The following GRIK3 variants were observed in gnomAD, a reference collection of about 807,000 sequenced individuals.
GRIK3 encodes glutamate receptor ionotropic, kainate 3.
GRIK3 carries 29 observed loss-of-function variants against 102.5 expected under a neutral mutation model. The observed-to-expected ratio is 0.28, with a 90% CI of 0.21 to 0.39. The LOEUF is 0.39. Ranked by LOEUF, GRIK3 falls within the 10% of genes least tolerant of loss-of-function variation. The pLI, the probability that GRIK3 is intolerant of heterozygous loss-of-function variation, is 1.00. For synonymous variants in GRIK3, 511 were observed against 504.9 expected (o/e 1.01, Z -0.16); for missense variants, 908 against 1,252.4 (o/e 0.73, Z 4.15).
chr1:36,815,822 C>G (rs553475112), intron 13 of GRIK3, among the ~76,000 whole-genome samples: 18 of 151,980 alleles, frequency 1.2e-4, no homozygotes, highest in Non-Finnish European at 1.0e-4. Flanking sequence ...TTCAGTGGCA[C>G]GATCTTGGCT....
chr1:37,027,604 A>T lies in GRIK3; in HGVS notation c.115+6390T>A, dbSNP rs568679190. 4.6e-5 allele frequency among the ~76,000 whole-genome samples: 7 copies of T among 152,320 alleles called. No homozygotes were observed. In the South Asian group the frequency reaches 1.5e-3, roughly 32 times the overall value. On this transcript the variant is annotated intron_variant, in intron 1 of 15. Transcript: ENST00000373091. Reference sequence around the variant, plus strand: ...CTCCAAGGGCAAAAAGAAACGCTCAAGTGTGGACAGCATGTAAGCTCTTTT... The same window carrying T: ...CTCCAAGGGCAAAAAGAAACGCTCATGTGTGGACAGCATGTAAGCTCTTTT...
rs114096346 is a variant in GRIK3, at chr1:36,935,175, A to G, written c.116-44079T>C. Among the ~76,000 whole-genome samples the G allele has an allele frequency of 2.7e-3, 404 of 152,290 alleles. 3 individuals carry two copies. The highest frequency in any genetic ancestry group is 9.3e-3 in the African/African-American group (387 of 41,560). On this transcript the variant is annotated intron_variant, in intron 1 of 15. Coordinates refer to ENST00000373091, the MANE Select transcript of GRIK3 (RefSeq NM_000831.4). ...ACTCACATGACCTCATGAATGTTTT[A>G]TTCACCACTGTACACCCAGCACCCA...
At chr1:36,823,472 C>CAAAA (rs71053954) in intron 11 of GRIK3, among the ~76,000 whole-genome samples, 3 of 38,094 alleles carry the variant, frequency 7.9e-5, no homozygotes, top group African/African-American at 8.5e-5. Flanking sequence ...GACTCCGTCT[C>CAAAA]AAAAAAAAAA....
Position 36,806,459 on chromosome 1 carries a change from C to T in GRIK3, c.2092-133G>A, listed in dbSNP as rs1020071506. ...ATCTTCAGAGAAAGGAAGTGCTACA[C>T]GGTGCTCAGATATAGAAATTGAGGC... On this transcript the variant is annotated intron_variant, in intron 13 of 15. Transcript: ENST00000373091. This position sits in a 1 kb window ranked among gnomAD's most constrained non-coding sequence, Gnocchi z 4.0. 148 of 609,890 alleles carry T rather than the reference C, an allele frequency of 2.4e-4. 1 individual carries two copies. Among genetic ancestry groups the T allele is most frequent in the Non-Finnish European group, 6.4e-5 (22 of 343,134 alleles). The allele number at this position is 609,890 out of a possible 1,614,324, so 37.8% of individuals were successfully genotyped here. A position where few individuals can be genotyped will look rare whatever the true frequency, so the allele number is the denominator to read the frequency against.
intron 13 of GRIK3, among the ~76,000 whole-genome samples, chr1:36,808,533 C>A (rs1642525235): frequency 6.6e-6 from 1 of 152,218 alleles, no homozygotes; most frequent in Non-Finnish European, 1.5e-5. Flanking sequence ...AAACAGAGGG[C>A]AGCCTCTGGC....
Position 36,819,830 on chromosome 1 carries a change from A to G in GRIK3, c.1779T>C (p.Asp593=). The G allele has an allele frequency of 1.3e-6, 2 of 1,585,650 alleles. No homozygotes were observed. The highest frequency in any genetic ancestry group is 1.7e-6 in the Non-Finnish European group (2 of 1,161,118). Residue 593 remains aspartate (D), a synonymous_variant, in exon 12 of 16, where the codon GAT becomes GAC. Coordinates refer to ENST00000373091, the MANE Select transcript of GRIK3 (RefSeq NM_000831.4). This position sits in a 1 kb window ranked among gnomAD's most constrained non-coding sequence, Gnocchi z 4.1. The stretch of plus-strand genomic sequence containing the variant: ...CGGAGCCAGGGTTGCAGGGGTGAGC[A>G]TCGTACCACTCATAAGGGCTGAACC... The part of the protein sequence containing the change: ...IARFSPYEWY[D]AHPCNPGSEV...
chr1:36,911,350 T>C (rs1641343755), intron 1 of GRIK3, among the ~76,000 whole-genome samples: 1 of 152,236 alleles, frequency 6.6e-6, no homozygotes, highest in Non-Finnish European at 1.5e-5. Flanking sequence ...TCTGTGTCTC[T>C]GTTTCATCAT....
rs760414121 is a variant in GRIK3, at chr1:36,853,648, G to A, written c.1179C>T (p.Asp393=). Residue 393 remains aspartate, a synonymous_variant, in exon 8 of 16, where the codon GAC becomes GAT. Coordinates refer to ENST00000373091, the MANE Select transcript of GRIK3 (RefSeq NM_000831.4). Reference sequence around the variant, plus strand: ...GGCCATCCTCTTTCAGGCTGATGATGTCCAGATCAAAATCCGTCCGCAAGC... The same window carrying A: ...GGCCATCCTCTTTCAGGCTGATGATATCCAGATCAAAATCCGTCCGCAAGC... ...TSGLRTDFDL[D]IISLKEDGLE... The A allele has an allele frequency of 1.2e-6, 2 of 1,613,584 alleles. No homozygotes were observed. The highest frequency in any genetic ancestry group is 2.2e-5 in the East Asian group (1 of 44,886).
intron 1 of GRIK3, among the ~76,000 whole-genome samples, chr1:36,991,205 C>T (rs1417229587): frequency 6.6e-6 from 1 of 152,208 alleles, no homozygotes; most frequent in Admixed American, 6.5e-5. Context: ...TCAACAGGCT[C>T]GTGTGCATGA....
intron 1 of GRIK3, among the ~76,000 whole-genome samples, chr1:36,973,266 T>C (rs1441478900): frequency 2.0e-5 from 3 of 152,162 alleles, no homozygotes; most frequent in Admixed American, 1.3e-4. Context: ...TTGGCGGCGC[T>C]GGACTTCTCT....
chr1:36,808,089 G>A (rs1415661094), intron 13 of GRIK3, among the ~76,000 whole-genome samples: 1 of 152,102 alleles, frequency 6.6e-6, no homozygotes, highest in East Asian at 1.9e-4. Flanking sequence ...GCTTCCTGTG[G>A]CCCAGGCTGT....
chr1:37,014,558 C>G lies in GRIK3; in HGVS notation c.115+19436G>C, dbSNP rs182748085. 4.0e-4 allele frequency among the ~76,000 whole-genome samples: 61 copies of G among 152,346 alleles called. 1 individual carries two copies. Among genetic ancestry groups the G allele is most frequent in the African/African-American group, 1.4e-3 (57 of 41,580 alleles). ...TCTGGTTTCTCCAGGAAAACTCCAC[C>G]AGGTAACCTGTTGAGCCCCACTCTG... On this transcript the variant is annotated intron_variant, in intron 1 of 15. Transcript: ENST00000373091.
chr1:36,947,048 A>G (rs931998657), intron 1 of GRIK3, among the ~76,000 whole-genome samples: 4 of 152,138 alleles, frequency 2.6e-5, no homozygotes, highest in African/African-American at 7.2e-5. Flanking sequence ...AGGAGGTGCT[A>G]GAGGAGGAGA....
At chr1:37,012,900 A>G (rs890439118) in intron 1 of GRIK3, among the ~76,000 whole-genome samples, 2 of 152,236 alleles carry the variant, frequency 1.3e-5, no homozygotes, top group African/African-American at 4.8e-5. Flanking sequence ...GGCAAGTCAA[A>G]GAGAATTCCA....
intron 7 of GRIK3, among the ~76,000 whole-genome samples, chr1:36,857,059 T>C (rs1640661582): frequency 6.6e-6 from 1 of 152,214 alleles, no homozygotes; most frequent in East Asian, 1.9e-4. Flanking sequence ...GATAAGGTGC[T>C]ATTTTTATCT....
intron 1 of GRIK3, among the ~76,000 whole-genome samples, chr1:36,951,940 C>A (rs1362595758): frequency 6.6e-6 from 1 of 152,192 alleles, no homozygotes; most frequent in Non-Finnish European, 1.5e-5. Flanking sequence ...CAGCCAGGGC[C>A]TCTGCCAGGT....
At chr1:36,913,746 C>T (rs1217497456) in intron 1 of GRIK3, among the ~76,000 whole-genome samples, 1 of 152,096 alleles carries the variant, frequency 6.6e-6, no homozygotes, top group East Asian at 1.9e-4. Flanking sequence ...GGGAGGAGCT[C>T]TCCCAGGCAA....
chr1:36,854,742 A>G (rs1216693042), intron 7 of GRIK3, among the ~76,000 whole-genome samples: 2 of 152,188 alleles, frequency 1.3e-5, no homozygotes, highest in Non-Finnish European at 2.9e-5. Flanking sequence ...GATTCTAGAT[A>G]ACATCTTTCC....
chr1:36,931,794 C>T (rs1009549081), intron 1 of GRIK3, among the ~76,000 whole-genome samples: 2 of 152,058 alleles, frequency 1.3e-5, no homozygotes, highest in African/African-American at 4.8e-5. Flanking sequence ...TGCTGTGTCT[C>T]TGGCATCTGG....
Sources: allele counts gnomAD v4.1 joint callset (sites outside exome capture counted in the v4.1 genomes callset), GRCh38; gene constraint gnomAD v4.1.1; non-coding constraint Gnocchi (gnomAD v3.1); transcripts MANE v1.5; gene names NCBI Gene and HGNC (gene_info 2026-07-23, HGNC 2026-07-21).